Variants in RPS6KA1 observed in about 807,000 individuals in gnomAD.
RPS6KA1 encodes the protein ribosomal protein S6 kinase A1.
Under a neutral mutation model 91.3 loss-of-function variants are expected in RPS6KA1, and 48 were observed. The observed-to-expected ratio is 0.53, with a 90% CI of 0.42 to 0.67. The LOEUF (loss-of-function observed/expected upper bound fraction) is 0.67, where lower values mean the gene tolerates loss of function less well. RPS6KA1 is among the 30% of genes least tolerant of loss of function. The probability of loss-of-function intolerance (pLI) is 0.00; values close to 1 mark genes in which losing one functional copy is unlikely to be tolerated. For synonymous variants in RPS6KA1, 359 were observed against 384.7 expected, an observed-to-expected ratio of 0.93 and a Z score of 0.78; for missense variants, 719 against 960.5, an observed-to-expected ratio of 0.75 and a Z score of 3.32.
At chr1:26,532,851 T>G (rs1319376727) in intron 1 of RPS6KA1, among the ~76,000 whole-genome samples, 1 of 152,186 alleles carries the variant, frequency 6.6e-6, no homozygotes, top group Non-Finnish European at 1.5e-5. Context: ...TCTGTCCTCA[T>G]GAGCAGTGCT....
chr1:26,546,778 T>C (rs943882998), intron 2 of RPS6KA1, 89 bp from the exon 3 acceptor site: 26 of 930,628 alleles, frequency 2.8e-5, no homozygotes, highest in Middle Eastern at 2.1e-4. Flanking sequence ...TTCCATCTGC[T>C]GTGGTCTGGT....
At chr1:26,568,931 C>T (rs1476423147) in intron 17 of RPS6KA1, among the ~76,000 whole-genome samples, 4 of 152,024 alleles carry the variant, frequency 2.6e-5, no homozygotes, top group African/African-American at 9.7e-5. Context: ...CGTAGTGGCT[C>T]ACACCTGTAA....
Position 26,555,037 on chromosome 1 carries a change from C to A in RPS6KA1, c.757-114C>A. 9.1e-7 allele frequency: 1 copy of A among 1,094,636 alleles called. No homozygotes were observed. The highest frequency in any genetic ancestry group is 1.4e-6 in the Non-Finnish European group (1 of 736,302). The allele number at this position is 1,094,636 out of a possible 1,614,324, so 67.8% of individuals were successfully genotyped here. A position where few individuals can be genotyped will look rare whatever the true frequency, so the allele number is the denominator to read the frequency against. On this transcript the variant is annotated intron_variant, in intron 9 of 21. Coordinates refer to ENST00000374168, the MANE Select transcript of RPS6KA1 (RefSeq NM_002953.4). The surrounding 1 kb of genome is among the most constrained non-coding windows in gnomAD (Gnocchi z 4.3). ...GGGCATAATTCTTGCTCCAGGCTGA[C>A]TTGGATGTATCAGCAAGAATCCTGG...
chr1:26,555,889 A>G lies in RPS6KA1; in HGVS notation c.916+264A>G, dbSNP rs866284741. Among the ~76,000 whole-genome samples the G allele has an allele frequency of 7.9e-5, 12 of 152,312 alleles. No homozygotes were observed. Among genetic ancestry groups the G allele is most frequent in the Middle Eastern group, 3.4e-3 (1 of 294 alleles). On this transcript the variant is annotated intron_variant, in intron 11 of 21. Transcript: ENST00000374168. This position sits in a 1 kb window ranked among gnomAD's most constrained non-coding sequence, Gnocchi z 4.3. ...GAGGCCCCCACACAGCTTCTCCGCC[A>G]AGGCTGCTGGCACAAGAGAAATAGC...
chr1:26,558,786 A>G lies in RPS6KA1; in HGVS notation c.1085-21A>G, dbSNP rs1327535344. On this transcript the variant is annotated intron_variant, in intron 13 of 21. Coordinates refer to ENST00000374168, the MANE Select transcript of RPS6KA1 (RefSeq NM_002953.4). The surrounding 1 kb of genome is among the most constrained non-coding windows in gnomAD (Gnocchi z 4.0). ...AGGGGACCTCCTCAGGTACCCTCAC[A>G]TTCTCCTTCCATCCGTACAGATTCC... is the stretch of plus-strand genomic sequence containing the variant. 9 of 1,588,560 alleles carry G rather than the reference A, an allele frequency of 5.7e-6. No homozygotes were observed. The highest frequency in any genetic ancestry group is 6.0e-6 in the Non-Finnish European group (7 of 1,160,094).
chr1:26,545,920 C>A, intron 2 of RPS6KA1: 4 of 1,584,786 alleles, frequency 2.5e-6, no homozygotes, highest in Non-Finnish European at 3.4e-6. Context: ...GATCCCAAGC[C>A]GCCCCGTCTG....
At position 26,573,936 on chromosome 1, in the gene RPS6KA1, T is replaced by TG; in HGVS notation, c.2086-143_2086-142insG. The TG allele has an allele frequency of 5.0e-6, 4 of 800,684 alleles. No homozygotes were observed. In the South Asian group the frequency reaches 7.5e-5, roughly 15 times the overall value. 49.6% of individuals were successfully genotyped at this position (800,684 alleles called of 1,614,324 possible). ...CTGGGTGACAGAGTGAGACTGTATC[T>TG]CAAAAAAAAAAAAACAACAAAAACA... On this transcript the variant is annotated intron_variant, in intron 21 of 21. Coordinates refer to ENST00000374168, the MANE Select transcript of RPS6KA1 (RefSeq NM_002953.4).
At position 26,547,163 on chromosome 1, in the gene RPS6KA1, C is replaced by T. The variant is rs1468435689; in HGVS notation, c.226-26C>T. ...GGACTCAGACCTCTCCCATCTTCTG[C>T]CCTGCTTCCTGCTCTGCCTTCTCAG... On this transcript the variant is annotated intron_variant, in intron 3 of 21. Transcript: ENST00000374168. The surrounding 1 kb of genome is among the most constrained non-coding windows in gnomAD (Gnocchi z 4.1). The T allele has an allele frequency of 6.2e-6, 10 of 1,612,190 alleles. No individual in the cohort carries two copies. Among genetic ancestry groups the T allele is most frequent in the Middle Eastern group, 1.6e-4 (1 of 6,080 alleles).
Position 26,561,629 on chromosome 1 carries a change from T to A in RPS6KA1, c.1556T>A (p.Ile519Asn), listed in dbSNP as rs202075423. The change falls in exon 17 of 22, where the codon ATT (isoleucine) becomes AAT (asparagine). Residue 519 changes from isoleucine (I) to asparagine (N), a missense_variant. Around this residue, in one of 5 missense-constraint regions of RPS6KA1, gnomAD observed 249 missense variants for 323.1 expected, o/e 0.77. Coordinates refer to ENST00000374168, the MANE Select transcript of RPS6KA1 (RefSeq NM_002953.4). This position sits in a 1 kb window ranked among gnomAD's most constrained non-coding sequence, Gnocchi z 5.7. ...EREASFVLHT[I>N]GKTVEYLHSQ... ...GAGGCCAGCTTTGTCCTGCACACCA[T>A]TGGCAAAACTGTGGAGTATCTGCAC... 1 of 1,612,748 alleles carries A rather than the reference T, an allele frequency of 6.2e-7. No individual in the cohort carries two copies.
At position 26,560,957 on chromosome 1, in the gene RPS6KA1, T is replaced by C; in HGVS notation, c.1342-88T>C. ...GCTCTGCAGATGTATGAAAGGTGTG[T>C]GGCCGAGACCTCCTGGCCTGCTCCA... is the stretch of plus-strand genomic sequence containing the variant. On this transcript the variant is annotated intron_variant, in intron 15 of 21. Coordinates refer to ENST00000374168, the MANE Select transcript of RPS6KA1 (RefSeq NM_002953.4). The C allele has an allele frequency of 1.2e-6, 2 of 1,601,230 alleles. 1 individual carries two copies. Among genetic ancestry groups the C allele is most frequent in the South Asian group, 2.2e-5 (2 of 90,590 alleles).
In RPS6KA1 at chr1:26,571,557, G is replaced by A; in HGVS notation, c.1699G>A (p.Glu567Lys). 6.2e-7 allele frequency: 1 copy of A among 1,614,210 alleles called. No homozygotes were observed. Among genetic ancestry groups the A allele is most frequent in the South Asian group, 1.1e-5 (1 of 91,078 alleles). ...TGGTTTTGCCAAACAGCTGCGGGCT[G>A]AGAATGGGCTCCTCATGACACCTTG... is the stretch of plus-strand genomic sequence containing the variant. ...DFGFAKQLRAENGLLMTPCYT... is the reference protein window; with the variant it reads ...DFGFAKQLRAKNGLLMTPCYT... The change falls in exon 18 of 22, where the codon GAG (glutamate) becomes AAG (lysine). Residue 567 changes from glutamate to lysine, a missense_variant. Physicochemically the swap from Glu to Lys is moderately conservative, Grantham distance 56. Coordinates refer to ENST00000374168, the MANE Select transcript of RPS6KA1 (RefSeq NM_002953.4). The surrounding 1 kb of genome is among the most constrained non-coding windows in gnomAD (Gnocchi z 5.1).
At chr1:26,545,730 G>A (rs991596401) in intron 2 of RPS6KA1, 6 of 908,510 alleles carry the variant, frequency 6.6e-6, no homozygotes, top group Non-Finnish European at 9.3e-6. Flanking sequence ...AAGGGAACGT[G>A]GTGAGGGTGT....
chr1:26,561,256 G>C lies in RPS6KA1; in HGVS notation c.1431+122G>C, dbSNP rs2076152013. On this transcript the variant is annotated intron_variant, in intron 16 of 21. Transcript: ENST00000374168. The surrounding 1 kb of genome is among the most constrained non-coding windows in gnomAD (Gnocchi z 5.7). ...CAGTGGTCATGTGGAGGGGAAGGAG[G>C]TCCCTTGGTCCCTTCAGTCTGCCCA... The C allele has an allele frequency of 4.0e-6, 4 of 990,480 alleles. No individual in the cohort carries two copies. Among genetic ancestry groups the C allele is most frequent in the Non-Finnish European group, 6.1e-6 (4 of 656,290 alleles). 61.4% of individuals were successfully genotyped at this position (990,480 alleles called of 1,614,324 possible).
chr1:26,554,616 G>A lies in RPS6KA1; in HGVS notation c.634G>A (p.Ala212Thr), dbSNP rs2124641384. Residue 212 changes from alanine to threonine, a missense_variant, in exon 9 of 22, where the codon GCC becomes ACC. This residue lies in a region of RPS6KA1 where 159 missense variants were observed against 264.5 expected (regional missense o/e 0.60). Coordinates refer to ENST00000374168, the MANE Select transcript of RPS6KA1 (RefSeq NM_002953.4). The surrounding 1 kb of genome is among the most constrained non-coding windows in gnomAD (Gnocchi z 4.6). ...TGTAGACTTTGGCCTGAGCAAAGAGGCCATTGACCACGAGAAGAAGGCCTA... is the reference window on the plus strand; with the variant it reads ...TGTAGACTTTGGCCTGAGCAAAGAGACCATTGACCACGAGAAGAAGGCCTA... ...KLTDFGLSKE[A>T]IDHEKKAYSF... 1.2e-6 allele frequency: 2 copies of A among 1,613,498 alleles called. No individual in the cohort carries two copies. Among genetic ancestry groups the A allele is most frequent in the South Asian group, 1.1e-5 (1 of 91,062 alleles).
rs762405662 is a variant in RPS6KA1 at position 26,551,399 on chromosome 1, C to T, written c.310C>T (p.Arg104Cys). ...KVLKKATLKV[R>C]DRVRTKMERD... is the part of the protein sequence containing the mutation. ...GACTTCCTTTCTCGTCTGGCCAGTA[C>T]GTGACCGCGTCCGGACCAAGATGGA... The change falls in exon 5 of 22, where the codon CGT becomes TGT. Residue 104 changes from arginine (R) to cysteine (C), a missense_variant and splice_region_variant. Around this residue, in one of 5 missense-constraint regions of RPS6KA1, gnomAD observed 159 missense variants for 264.5 expected, o/e 0.60. Coordinates refer to ENST00000374168, the MANE Select transcript of RPS6KA1 (RefSeq NM_002953.4). This position sits in a 1 kb window ranked among gnomAD's most constrained non-coding sequence, Gnocchi z 4.5. 5 of 1,613,916 alleles carry T rather than the reference C, an allele frequency of 3.1e-6. No individual in the cohort carries two copies. The highest frequency in any genetic ancestry group is 1.6e-4 in the Middle Eastern group (1 of 6,084).
chr1:26,573,172 G>T lies in RPS6KA1; in HGVS notation c.1948-52G>T, dbSNP rs1221809403. 1.9e-6 allele frequency: 3 copies of T among 1,593,572 alleles called. No individual in the cohort carries two copies. In the African/African-American group the frequency reaches 4.0e-5, roughly 21 times the overall value. ...GGTTGCCCTCCTGTGCCCCATCAGG[G>T]GCCTGCTCCCCTGCAGCCCTCCCCC... On this transcript the variant is annotated intron_variant, in intron 20 of 21. Coordinates refer to ENST00000374168, the MANE Select transcript of RPS6KA1 (RefSeq NM_002953.4).
chr1:26,564,464 T>C (rs950574697), intron 17 of RPS6KA1, among the ~76,000 whole-genome samples: 3 of 152,152 alleles, frequency 2.0e-5, no homozygotes, highest in East Asian at 1.9e-4. Flanking sequence ...TTCACCGTGT[T>C]AGCCAGGATG....
chr1:26,546,564 C>T (rs1193449428), intron 2 of RPS6KA1, among the ~76,000 whole-genome samples: 2 of 152,212 alleles, frequency 1.3e-5, no homozygotes, highest in African/African-American at 4.8e-5. Context: ...GGACCTGGGG[C>T]AGGTCTCTGG....
At chr1:26,544,950 A>G (rs904481426) in intron 2 of RPS6KA1, among the ~76,000 whole-genome samples, 10 of 151,682 alleles carry the variant, frequency 6.6e-5, no homozygotes, top group Non-Finnish European at 1.5e-4. Context: ...TTGTGTCCCT[A>G]TCTGCCTACA....
Sources: allele counts gnomAD v4.1 joint callset (sites outside exome capture counted in the v4.1 genomes callset), GRCh38; gene constraint gnomAD v4.1.1; regional missense constraint gnomAD v4.1.1; non-coding constraint Gnocchi (gnomAD v3.1); transcripts MANE v1.5; gene names NCBI Gene and HGNC (gene_info 2026-07-23, HGNC 2026-07-21).